ZNF397: variants seen among roughly 807,000 people sequenced by gnomAD.
ZNF397 encodes zinc finger protein 397.
In ZNF397, 38 loss-of-function variants were observed where a neutral mutation model predicts 50.6. That is an observed-to-expected ratio of 0.75 (90% CI 0.58 to 0.98). The LOEUF (loss-of-function observed/expected upper bound fraction) is 0.98, where lower values mean the gene tolerates loss of function less well. Ranked by LOEUF, ZNF397 falls within the 50% of genes least tolerant of loss-of-function variation. The pLI, the probability that ZNF397 is intolerant of heterozygous loss-of-function variation, is 0.00. For missense variants in ZNF397, 624 were observed against 624.1 expected (o/e 1.00, Z 0.00); for synonymous variants, 228 against 215.2 (o/e 1.06, Z -0.52).
downstream of ZNF397, chr18:35,253,748 C>T (rs759080214): frequency 1.5e-5 from 25 of 1,613,248 alleles, no homozygotes; most frequent in African/African-American, 4.0e-5. Flanking sequence ...GGCTGAGCTC[C>T]GGCTGAAGGC....
chr18:35,258,300 A>G (rs777859572), exon 6 of ZNF397: 4 of 310,356 alleles, frequency 1.3e-5, no homozygotes, highest in Non-Finnish European at 2.4e-5. Context: ...AGGACATTGG[A>G]GAGATAGAGT....
In ZNF397 at chr18:35,248,107, G is replaced by T. The variant is rs535126625; in HGVS notation, c.*1797G>T. 1 of 152,314 alleles carries T rather than the reference G, an allele frequency of 6.6e-6. No individual in the cohort carries two copies. Among genetic ancestry groups the T allele is most frequent in the East Asian group, 1.9e-4 (1 of 5,184 alleles). The allele number at this position is 152,314 out of a possible 1,614,324, so 9.4% of individuals were successfully genotyped here. A position where few individuals can be genotyped will look rare whatever the true frequency, so the allele number is the denominator to read the frequency against. On this transcript the variant is annotated 3_prime_UTR_variant, in exon 4 of 4. Transcript: ENST00000330501. The stretch of plus-strand genomic sequence containing the variant: ...TTAGACTGATGCTTAGTGTAAGAAG[G>T]AATGTTGTACAGGTTAACCAGCAAC...
Position 35,246,891 on chromosome 18 carries a change from A to C in ZNF397, c.*581A>C. The C allele has an allele frequency of 1.0e-6, 1 of 976,424 alleles. No individual in the cohort carries two copies. The allele number at this position is 976,424 out of a possible 1,614,324, so 60.5% of individuals were successfully genotyped here. The stretch of plus-strand genomic sequence containing the variant: ...TACCTACTTTGTCCCAGGAACTAGG[A>C]ATACAGTGGAAAACAAGACTGTAGT... On this transcript the variant is annotated 3_prime_UTR_variant, in exon 4 of 4. Coordinates refer to ENST00000330501, the MANE Select transcript of ZNF397 (RefSeq NM_001135178.3).
chr18:35,245,737 T>C lies in ZNF397; in HGVS notation c.1032T>C (p.Ser344=), dbSNP rs2043467600. 6.4e-7 allele frequency: 1 copy of C among 1,552,106 alleles called. No homozygotes were observed. The highest frequency in any genetic ancestry group is 2.4e-5 in the East Asian group (1 of 40,902). ...GTGGTGAGAAAGCATATGAATGTAG[T>C]GAATGTGGGAAAGCTTTCAATCAGA... ...IHSGEKAYEC[S]ECGKAFNQSS... is the part of the protein sequence containing the mutation. Residue 344 remains serine (S), a synonymous_variant, in exon 4 of 4, where the codon AGT becomes AGC. Transcript: ENST00000330501.
Position 35,242,697 on chromosome 18 carries a change from A to G in ZNF397, c.227A>G (p.Tyr76Cys), listed in dbSNP as rs749513344. ...CTGAGCCGACTCCAGGAACTTTGCT[A>G]TCAGTGGCTAATGCCAGAGTTGCAC... ...EALSRLQELCYQWLMPELHTK... is the reference protein window; with the variant it reads ...EALSRLQELCCQWLMPELHTK... The change falls in exon 2 of 4, where the codon TAT becomes TGT. Residue 76 changes from tyrosine (Y) to cysteine (C), a missense_variant. Coordinates refer to ENST00000330501, the MANE Select transcript of ZNF397 (RefSeq NM_001135178.3). 5 of 1,614,112 alleles carry G rather than the reference A, an allele frequency of 3.1e-6. No individual in the cohort carries two copies. Among genetic ancestry groups the G allele is most frequent in the South Asian group, 1.1e-5 (1 of 91,096 alleles).
downstream of ZNF397, chr18:35,254,368 C>G: frequency 6.2e-7 from 1 of 1,613,912 alleles, no homozygotes. Flanking sequence ...CTTTGCCAGC[C>G]ACCATCCTGC....
At chr18:35,251,882 A>G (rs1217982130), downstream of ZNF397, 3 of 152,070 alleles carry the variant, frequency 2.0e-5, no homozygotes, top group East Asian at 5.8e-4. Flanking sequence ...GTGATCACCA[A>G]GTCTTCTTTA....
At chr18:35,258,343 C>T (rs749550345) in exon 6 of ZNF397, 21 of 198,904 alleles carry the variant, frequency 1.1e-4, no homozygotes, top group Non-Finnish European at 1.6e-4. Flanking sequence ...GAGTCAACAA[C>T]ATACTGCCAC....
At position 35,245,285 on chromosome 18, in the gene ZNF397, A is replaced by G. The variant is rs2043456532; in HGVS notation, c.580A>G (p.Thr194Ala). ...AGATTGTGAGAACAGTGAAACAGCA[A>G]CAAAAGAGGGCATCTCAGAAGAAAA... is the stretch of plus-strand genomic sequence containing the variant. ...KSDCENSETA[T>A]KEGISEEKSQ... The change falls in exon 4 of 4, where the codon ACA becomes GCA. Residue 194 changes from threonine to alanine, a missense_variant. Thr to Ala is a moderately conservative substitution (Grantham distance 58). Transcript: ENST00000330501. 1 of 1,606,590 alleles carries G rather than the reference A, an allele frequency of 6.2e-7. No homozygotes were observed. The highest frequency in any genetic ancestry group is 8.5e-7 in the Non-Finnish European group (1 of 1,175,202).
In ZNF397 at chr18:35,246,456, C is replaced by T; in HGVS notation, c.*146C>T. 2 of 1,433,850 alleles carry T rather than the reference C, an allele frequency of 1.4e-6. No homozygotes were observed. Among genetic ancestry groups the T allele is most frequent in the African/African-American group, 2.9e-5 (2 of 69,540 alleles). 88.8% of individuals were successfully genotyped at this position (1,433,850 alleles called of 1,614,324 possible). On this transcript the variant is annotated 3_prime_UTR_variant, in exon 4 of 4. Coordinates refer to ENST00000330501, the MANE Select transcript of ZNF397 (RefSeq NM_001135178.3). ...TTGCTTTGTGCAGCATTTCCCAGTG[C>T]TAATGTAAAGTGTCCCTTGAAAGCT...
At chr18:35,255,513 T>G (rs2143658752) in intron 5 of ZNF397, among the ~76,000 whole-genome samples, 1 of 152,234 alleles carries the variant, frequency 6.6e-6, no homozygotes, top group Middle Eastern at 3.4e-3. Flanking sequence ...ACATCAAAAC[T>G]TGTAATCTTT....
rs1000782119 is a variant in ZNF397, at chr18:35,248,906, T to A, written c.*2596T>A. 6.6e-6 allele frequency: 1 copy of A among 152,168 alleles called. No homozygotes were observed. Among genetic ancestry groups the A allele is most frequent in the South Asian group, 2.1e-4 (1 of 4,830 alleles). 9.4% of individuals were successfully genotyped at this position (152,168 alleles called of 1,614,324 possible). On this transcript the variant is annotated 3_prime_UTR_variant, in exon 4 of 4. Coordinates refer to ENST00000330501, the MANE Select transcript of ZNF397 (RefSeq NM_001135178.3). The stretch of plus-strand genomic sequence containing the variant: ...CTAAGGGCTTTGTATATACTTATTA[T>A]TGTTATTTCTCAGCACGTATGTAGC...
At chr18:35,254,004 A>G (rs562354568), downstream of ZNF397, 1 of 1,614,102 alleles carries the variant, frequency 6.2e-7, no homozygotes, top group African/African-American at 1.3e-5. Flanking sequence ...GAGCTCTGGC[A>G]AAAGGCCTTC....
downstream of ZNF397, chr18:35,253,237 C>T (rs1435285385): frequency 1.8e-5 from 8 of 440,680 alleles, no homozygotes; most frequent in Middle Eastern, 1.6e-3. Context: ...GAAATATCTA[C>T]CATTCTTTTT....
At chr18:35,243,463 C>G in intron 3 of ZNF397, 170 bp downstream of exon 3, 1 of 833,976 alleles carries the variant, frequency 1.2e-6, no homozygotes, top group South Asian at 1.5e-5. Flanking sequence ...GAATTGCTGT[C>G]AGCCCTCCTG....
At chr18:35,241,276 T>C (rs1294826160) in intron 1 of ZNF397, 167 bp downstream of exon 1, 7 of 152,226 alleles carry the variant, frequency 4.6e-5, no homozygotes, top group Non-Finnish European at 5.9e-5. Flanking sequence ...CTCAAACTCC[T>C]GCTTTCCAAA....
rs2043510466 is a variant in ZNF397 at position 35,247,992 on chromosome 18, G to A, written c.*1682G>A. Reference sequence around the variant, plus strand: ...ACCATCTTTTGCAAATTTTATTAAAGACAATGCTAAAAGGAAGTGACAACT... The same window carrying A: ...ACCATCTTTTGCAAATTTTATTAAAAACAATGCTAAAAGGAAGTGACAACT... On this transcript the variant is annotated 3_prime_UTR_variant, in exon 4 of 4. Coordinates refer to ENST00000330501, the MANE Select transcript of ZNF397 (RefSeq NM_001135178.3). 6.6e-6 allele frequency: 1 copy of A among 152,164 alleles called. No individual in the cohort carries two copies. The highest frequency in any genetic ancestry group is 1.5e-5 in the Non-Finnish European group (1 of 68,030). The allele number at this position is 152,164 out of a possible 1,614,324, so 9.4% of individuals were successfully genotyped here. A position where few individuals can be genotyped will look rare whatever the true frequency, so the allele number is the denominator to read the frequency against.
rs762551243 is a variant in ZNF397, at chr18:35,246,282, G to A, written c.1577G>A (p.Arg526His). Residue 526 changes from arginine (R) to histidine (H), a missense_variant, in exon 4 of 4, where the codon CGC (arginine) becomes CAC (histidine). Transcript: ENST00000330501. The part of the protein sequence containing the change: ...KAFRHRSVLM[R>H]HQRVHTIK Reference sequence around the variant, plus strand: ...TTCAGGCACAGATCGGTCCTTATGCGCCATCAAAGAGTCCACACTATAAAG... The same window carrying A: ...TTCAGGCACAGATCGGTCCTTATGCACCATCAAAGAGTCCACACTATAAAG... 2.5e-5 allele frequency: 38 copies of A among 1,549,512 alleles called. No homozygotes were observed. The highest frequency in any genetic ancestry group is 6.9e-5 in the African/African-American group (5 of 72,812).
downstream of ZNF397, chr18:35,252,566 C>T (rs867557448): frequency 4.6e-5 from 7 of 152,292 alleles, no homozygotes; most frequent in African/African-American, 1.7e-4. Context: ...CATGGAGTGT[C>T]TCCAGATCCT....
Sources: gnomAD v4.1 joint callset for allele counts (sites outside exome capture counted in the v4.1 genomes callset) on GRCh38, gnomAD v4.1.1 for gene constraint, MANE v1.5 for transcripts, NCBI Gene and HGNC (gene_info 2026-07-23, HGNC 2026-07-21) for gene names.